The following SLA variants were observed in gnomAD, a reference collection of about 807,000 sequenced individuals.
The protein encoded by SLA is src-like-adapter.
A neutral mutation model predicts 30.3 loss-of-function variants in SLA; 16 were observed. That is an observed-to-expected ratio of 0.53 (90% confidence interval 0.36 to 0.80). The LOEUF (loss-of-function observed/expected upper bound fraction) is 0.80, where lower values mean the gene tolerates loss of function less well. Among genes scored for constraint, SLA ranks in the 30% least tolerant of loss-of-function variants. The pLI is 0.01. For synonymous variants in SLA, 143 were observed against 137.8 expected, an observed-to-expected ratio of 1.04 and a Z score of -0.26; for missense variants, 310 against 345.2, an observed-to-expected ratio of 0.90 and a Z score of 0.81.
chr8:133,101,623 T>C, intron 1 of SLA, among the ~76,000 whole-genome samples: 1 of 152,240 alleles, frequency 6.6e-6, no homozygotes, highest in South Asian at 2.1e-4. Context: ...AGCATGTTTT[T>C]GTAACACCAA....
intron 2 of SLA, among the ~76,000 whole-genome samples, chr8:133,071,608 T>C (rs1179482053): frequency 6.6e-6 from 1 of 152,048 alleles, no homozygotes. Context: ...TTTGAGCTGA[T>C]TGTCCATGTG....
At chr8:133,059,107 C>G (rs575571243) in intron 3 of SLA, 1 of 456,320 alleles carries the variant, frequency 2.2e-6, no homozygotes, top group Non-Finnish European at 4.4e-6. Flanking sequence ...CCCTGTCAGG[C>G]TCGGCAGACA....
In SLA at chr8:133,042,678, C is replaced by CCTTTTTTTTT. The variant is rs1554706932; in HGVS notation, c.484+2305_484+2306insAAAAAAAAAG. Among the ~76,000 whole-genome samples the CCTTTTTTTTT allele has an allele frequency of 8.0e-3, 452 of 56,780 alleles. 64 individuals are homozygous for CCTTTTTTTTT. The highest frequency in any genetic ancestry group is 0.03 in the East Asian group (69 of 2,282). The allele number at this position is 56,780 out of a possible 152,430, so 37.2% of individuals were successfully genotyped here. ...GTGCACAATTCCTCTCATTCTGTGT[C>CCTTTTTTTTT]TTTTTTTTTTTTTTTTTTTTTTTTT... On this transcript the variant is annotated intron_variant, in intron 7 of 8. Coordinates refer to ENST00000338087, the MANE Select transcript of SLA (RefSeq NM_001045556.3).
intron 3 of SLA, among the ~76,000 whole-genome samples, chr8:133,055,367 A>G (rs1427842589): frequency 3.8e-5 from 1 of 26,322 alleles, no homozygotes; most frequent in East Asian, 7.2e-4. Context: ...GCACGCGCGC[A>G]CACACACACA....
rs16904820 is a variant in SLA at position 133,071,910 on chromosome 8, C to T, written c.-41+2943G>A. 9.7e-3 allele frequency among the ~76,000 whole-genome samples: 1,482 copies of T among 152,210 alleles called. 23 individuals carry two copies. The highest frequency in any genetic ancestry group is 0.034 in the African/African-American group (1,420 of 41,504). The stretch of plus-strand genomic sequence containing the variant: ...CCTCAATGAAAAGCCATGATCTAGC[C>T]GGTGTCTGGCACATAATGCAAGCTC... On this transcript the variant is annotated intron_variant, in intron 2 of 8. Coordinates refer to ENST00000338087, the MANE Select transcript of SLA (RefSeq NM_001045556.3).
intron 5 of SLA, chr8:133,048,519 C>A (rs1839878365): frequency 6.5e-6 from 1 of 154,674 alleles, no homozygotes; most frequent in Non-Finnish European, 1.4e-5. Context: ...CCGTGCTCAG[C>A]CCTGCTCTTC....
chr8:133,071,479 G>A (rs1844021736), intron 2 of SLA, among the ~76,000 whole-genome samples: 1 of 152,168 alleles, frequency 6.6e-6, no homozygotes, highest in Non-Finnish European at 1.5e-5. Context: ...GTGTGCTAGA[G>A]GGTTATGCTT....
chr8:133,086,225 G>GCTAATGGGTACAGAATTTCTTT, intron 1 of SLA, among the ~76,000 whole-genome samples: 1 of 152,172 alleles, frequency 6.6e-6, no homozygotes, highest in African/African-American at 2.4e-5. Flanking sequence ...GGGAATGACT[G>GCTAATGGGTACAGAATTTCTTT]CTAATGGGTA....
At chr8:133,096,450 C>T (rs943682242) in intron 1 of SLA, 2 of 1,563,388 alleles carry the variant, frequency 1.3e-6, no homozygotes, top group African/African-American at 2.7e-5. Flanking sequence ...CTGACTTGAT[C>T]AAGAGATATT....
Position 133,082,823 on chromosome 8 carries a change from CT to C in SLA, c.-318-7694del, listed in dbSNP as rs753998665. ...TGCCTTAATACTTTCATGGCATATA[CT>C]TTTTTTCTAATGATAAGATTCTGTT... On this transcript the variant is annotated intron_variant, in intron 1 of 8. Coordinates refer to ENST00000338087, the MANE Select transcript of SLA (RefSeq NM_001045556.3). 4.8e-5 allele frequency among the ~76,000 whole-genome samples: 5 copies of C among 105,154 alleles called. No homozygotes were observed. The East Asian group carries it at 7.7e-4, about 16-fold the overall frequency. The allele number at this position is 105,154 out of a possible 152,430, so 69.0% of individuals were successfully genotyped here.
intron 1 of SLA, among the ~76,000 whole-genome samples, chr8:133,095,770 C>T (rs939869475): frequency 2.0e-5 from 3 of 152,220 alleles, no homozygotes; most frequent in African/African-American, 4.8e-5. Context: ...ATGGCCTGAT[C>T]GCCTTAGCAA....
intron 2 of SLA, among the ~76,000 whole-genome samples, chr8:133,074,501 G>T (rs986294968): frequency 6.6e-6 from 1 of 152,204 alleles, no homozygotes; most frequent in Non-Finnish European, 1.5e-5. Flanking sequence ...GTCTGGAGAG[G>T]TTTAAATGAG....
chr8:133,041,388 T>C (rs1026578718), intron 7 of SLA, among the ~76,000 whole-genome samples: 5 of 152,232 alleles, frequency 3.3e-5, no homozygotes, highest in African/African-American at 1.2e-4. Context: ...CCTCGTTTCA[T>C]GGTTTTCAGT....
chr8:133,079,793 T>C (rs1311889442), intron 1 of SLA, among the ~76,000 whole-genome samples: 1 of 152,084 alleles, frequency 6.6e-6, no homozygotes. Context: ...GCTAATTCAT[T>C]TGGTAGAGAA....
chr8:133,101,061 A>T lies in SLA; in HGVS notation c.-319+1492T>A, dbSNP rs146237791. On this transcript the variant is annotated intron_variant, in intron 1 of 8. Coordinates refer to ENST00000338087, the MANE Select transcript of SLA (RefSeq NM_001045556.3). ...GCCAAGTCTCCACTGCAGGTCTCTG[A>T]CCCCAATTGCAGGGCAGGAGTGGGG... 2.8e-3 allele frequency among the ~76,000 whole-genome samples: 428 copies of T among 152,132 alleles called. 3 individuals are homozygous for T. The highest frequency in any genetic ancestry group is 9.8e-3 in the African/African-American group (408 of 41,494).
Position 133,059,590 on chromosome 8 carries a change from G to C in SLA, c.61+510C>G, listed in dbSNP as rs1369559016. On this transcript the variant is annotated intron_variant, in intron 3 of 8. Coordinates refer to ENST00000338087, the MANE Select transcript of SLA (RefSeq NM_001045556.3). ...TTGTCACCTTGCAATCCCACCAATGGGACATAAGGTTTCCTTTGTTTTCAG... is the reference window on the plus strand; with the variant it reads ...TTGTCACCTTGCAATCCCACCAATGCGACATAAGGTTTCCTTTGTTTTCAG... Among the ~76,000 whole-genome samples, 5 of 151,952 alleles carry C rather than the reference G, an allele frequency of 3.3e-5. No individual in the cohort carries two copies. The South Asian group carries it at 1.0e-3, about 32-fold the overall frequency.
In SLA at chr8:133,038,389, T is replaced by G. The variant is rs1414635730; in HGVS notation, c.*135A>C. ...TGGATAGAGAAGATGCGAATTTGAG[T>G]CTCCATGTGGCTTCTCTTGGCTTCT... On this transcript the variant is annotated 3_prime_UTR_variant, in exon 9 of 9. Coordinates refer to ENST00000338087, the MANE Select transcript of SLA (RefSeq NM_001045556.3). The G allele has an allele frequency of 1.4e-6, 1 of 693,380 alleles. No individual in the cohort carries two copies. Among genetic ancestry groups the G allele is most frequent in the Non-Finnish European group, 2.6e-6 (1 of 391,226 alleles). The allele number at this position is 693,380 out of a possible 1,614,324, so 43.0% of individuals were successfully genotyped here. A position where few individuals can be genotyped will look rare whatever the true frequency, so the allele number is the denominator to read the frequency against.
chr8:133,042,676 G>GTTTTTT (rs1838483510), intron 7 of SLA, among the ~76,000 whole-genome samples: 1 of 55,582 alleles, frequency 1.8e-5, no homozygotes, highest in African/African-American at 6.4e-5. Flanking sequence ...CTCATTCTGT[G>GTTTTTT]TCTTTTTTTT....
At chr8:133,102,278 C>T (rs751753907) in intron 1 of SLA, 47 of 387,308 alleles carry the variant, frequency 1.2e-4, no homozygotes, top group African/African-American at 5.2e-4. Context: ...CTCATGCCAA[C>T]GCTGCATAAG....
Sources: allele counts gnomAD v4.1 joint callset (sites outside exome capture counted in the v4.1 genomes callset), GRCh38; gene constraint gnomAD v4.1.1; transcripts MANE v1.5; gene names NCBI Gene and HGNC (gene_info 2026-07-23, HGNC 2026-07-21).